Variants in GTF2A1 observed in about 807,000 individuals in gnomAD.
GTF2A1 encodes the protein transcription initiation factor IIA subunit 1.
A neutral mutation model predicts 54.1 loss-of-function variants in GTF2A1; 12 were observed. The observed-to-expected ratio is 0.22, with a 90% confidence interval of 0.14 to 0.36. The LOEUF (loss-of-function observed/expected upper bound fraction) is 0.36, where lower values mean the gene tolerates loss of function less well. GTF2A1 is among the 10% of genes least tolerant of loss of function. GTF2A1 has a pLI of 1.00. For synonymous variants in GTF2A1, 145 were observed against 152.0 expected, an observed-to-expected ratio of 0.95 and a Z score of 0.34; for missense variants, 335 against 442.2, an observed-to-expected ratio of 0.76 and a Z score of 2.17.
intron 6 of GTF2A1, among the ~76,000 whole-genome samples, chr14:81,193,828 G>C (rs778826055): frequency 6.6e-6 from 1 of 152,090 alleles, no homozygotes; most frequent in Non-Finnish European, 1.5e-5. Context: ...CTTGCCATTA[G>C]GTTCAAGGAA....
At chr14:81,196,697 A>C (rs187272026) in intron 5 of GTF2A1, among the ~76,000 whole-genome samples, 1 of 152,214 alleles carries the variant, frequency 6.6e-6, no homozygotes, top group Non-Finnish European at 1.5e-5. Context: ...AAAAGCAATA[A>C]AAGTTCACAG....
At chr14:81,216,897 T>C (rs1893500168) in intron 1 of GTF2A1, among the ~76,000 whole-genome samples, 1 of 152,236 alleles carries the variant, frequency 6.6e-6, no homozygotes, top group African/African-American at 2.4e-5. Context: ...CACTGTATCT[T>C]AGACTTTGGA....
intron 6 of GTF2A1, among the ~76,000 whole-genome samples, chr14:81,194,339 G>C (rs544672496): frequency 6.6e-6 from 1 of 152,208 alleles, no homozygotes; most frequent in Admixed American, 6.5e-5. Flanking sequence ...GCAAAAACCA[G>C]TCCCTGGTGT....
rs1039595901 is a variant in GTF2A1 at position 81,220,578 on chromosome 14, CAAAA to C, written c.-64_-61del. ...CAAGAAAACAAGATAAAAACAAAACCAAAAAAAAAAAAACTATAACACCCGGAGG... is the reference window on the plus strand; with the variant it reads ...CAAGAAAACAAGATAAAAACAAAACCAAAAAAAAACTATAACACCCGGAGG... On this transcript the variant is annotated 5_prime_UTR_variant, in exon 1 of 9. Coordinates refer to ENST00000553612, the MANE Select transcript of GTF2A1 (RefSeq NM_015859.4). 3.0e-6 allele frequency: 3 copies of C among 1,002,498 alleles called. No individual in the cohort carries two copies. The highest frequency in any genetic ancestry group is 6.5e-5 in the East Asian group (2 of 30,886). The allele number at this position is 1,002,498 out of a possible 1,614,324, so 62.1% of individuals were successfully genotyped here. A position where few individuals can be genotyped will look rare whatever the true frequency, so the allele number is the denominator to read the frequency against.
chr14:81,190,160 C>T (rs1299480402), intron 7 of GTF2A1, among the ~76,000 whole-genome samples: 1 of 151,374 alleles, frequency 6.6e-6, no homozygotes, highest in Non-Finnish European at 1.5e-5. Flanking sequence ...CTTATCAAAA[C>T]GGTCTCAAAC....
At chr14:81,193,627 A>C (rs1892925534) in intron 6 of GTF2A1, among the ~76,000 whole-genome samples, 1 of 152,168 alleles carries the variant, frequency 6.6e-6, no homozygotes. Context: ...CCTTGGCCAT[A>C]CCCCTAATAT....
In GTF2A1 at chr14:81,203,987, G is replaced by A; in HGVS notation, c.250C>T (p.His84Tyr). ...HQPQQQQHHH[H>Y]HHHQQAQPQQ... ...GGCTGAGCTTGCTGATGATGGTGAT[G>A]GTGGTGATGCTGCTGCTGCTGGGGT... Residue 84 changes from histidine to tyrosine, a missense_variant, in exon 3 of 9, where the codon CAT becomes TAT. His to Tyr is a moderately conservative substitution (Grantham distance 83). This residue lies in a region of GTF2A1 where 306 missense variants were observed against 360.4 expected (regional missense o/e 0.85). Transcript: ENST00000553612. The A allele has an allele frequency of 6.2e-7, 1 of 1,613,992 alleles. No individual in the cohort carries two copies. The highest frequency in any genetic ancestry group is 1.3e-5 in the African/African-American group (1 of 75,046).
chr14:81,214,416 T>TG (rs1300312053), intron 2 of GTF2A1, among the ~76,000 whole-genome samples: 1 of 151,800 alleles, frequency 6.6e-6, no homozygotes, highest in African/African-American at 2.4e-5. Context: ...GAGGCCGAGG[T>TG]GGGGGGATCA....
intron 3 of GTF2A1, chr14:81,202,959 T>TTAAGACACATATA: frequency 2.7e-6 from 1 of 368,312 alleles, no homozygotes; most frequent in South Asian, 2.1e-5. Flanking sequence ...ATTACCAATT[T>TTAAGACACATATA]TAAGACACAT....
intron 7 of GTF2A1, among the ~76,000 whole-genome samples, chr14:81,187,150 C>T (rs532918230): frequency 1.6e-4 from 24 of 151,876 alleles, no homozygotes; most frequent in African/African-American, 5.6e-4. Flanking sequence ...GTCAGGAGAT[C>T]GAGACCATCC....
At chr14:81,189,481 C>T (rs1391513693) in intron 7 of GTF2A1, among the ~76,000 whole-genome samples, 1 of 152,074 alleles carries the variant, frequency 6.6e-6, no homozygotes, top group Non-Finnish European at 1.5e-5. Context: ...ACCATCCTGG[C>T]TAACACAGCG....
At chr14:81,196,001 G>T in intron 6 of GTF2A1, 107 bp downstream of exon 6, 3 of 934,408 alleles carry the variant, frequency 3.2e-6, no homozygotes, top group Non-Finnish European at 3.4e-6. Context: ...TGGGTCTGTA[G>T]CACTGAAAAA....
chr14:81,197,319 T>A, intron 5 of GTF2A1, 90 bp downstream of exon 5: 1 of 673,792 alleles, frequency 1.5e-6, no homozygotes, highest in Admixed American at 3.0e-5. Flanking sequence ...ATATTAGTAT[T>A]TTCTGTCTTT....
rs373666812 is a variant in GTF2A1 at position 81,189,793 on chromosome 14, T to A, written c.933+2726A>T. 2.0e-5 allele frequency among the ~76,000 whole-genome samples: 3 copies of A among 152,256 alleles called. No homozygotes were observed. The South Asian group carries it at 6.2e-4, about 32-fold the overall frequency. On this transcript the variant is annotated intron_variant, in intron 7 of 8. Coordinates refer to ENST00000553612, the MANE Select transcript of GTF2A1 (RefSeq NM_015859.4). ...ATACCAAACAAGTGCAGAAAACACA[T>A]TCTTTTCAAAGCATATACAAAAACT...
intron 2 of GTF2A1, among the ~76,000 whole-genome samples, chr14:81,211,078 A>G (rs1893354127): frequency 6.6e-6 from 1 of 152,200 alleles, no homozygotes; most frequent in South Asian, 2.1e-4. Context: ...GATAGACATT[A>G]TTATCTCCCT....
intron 1 of GTF2A1, among the ~76,000 whole-genome samples, chr14:81,219,441 A>T (rs1893560576): frequency 6.6e-6 from 1 of 152,208 alleles, no homozygotes; most frequent in Admixed American, 6.5e-5. Flanking sequence ...ATCCTGGCAG[A>T]GTCTATATTA....
intron 4 of GTF2A1, 72 bp from the exon 5 acceptor site, chr14:81,197,556 T>C (rs2140158220): frequency 2.4e-6 from 2 of 830,510 alleles, no homozygotes; most frequent in East Asian, 5.5e-5. Flanking sequence ...CATATTTTAA[T>C]AGTGTATGAA....
At chr14:81,198,234 C>G (rs1341302837) in intron 4 of GTF2A1, among the ~76,000 whole-genome samples, 1 of 152,168 alleles carries the variant, frequency 6.6e-6, no homozygotes, top group Non-Finnish European at 1.5e-5. Context: ...CGCTTGAGCT[C>G]AGGAGTTTGA....
chr14:81,198,871 T>C (rs907107962), intron 4 of GTF2A1, among the ~76,000 whole-genome samples: 1 of 152,218 alleles, frequency 6.6e-6, no homozygotes, highest in Non-Finnish European at 1.5e-5. Flanking sequence ...GTCTGGGCTC[T>C]AGGTACATAG....
Sources: allele counts gnomAD v4.1 joint callset (sites outside exome capture counted in the v4.1 genomes callset), GRCh38; gene constraint gnomAD v4.1.1; regional missense constraint gnomAD v4.1.1; transcripts MANE v1.5; gene names NCBI Gene and HGNC (gene_info 2026-07-23, HGNC 2026-07-21).